The following SEMA6D variants were observed in gnomAD, a reference collection of about 807,000 sequenced individuals.
SEMA6D encodes semaphorin 6D.
SEMA6D carries 35 observed loss-of-function variants against 106.6 expected under a neutral mutation model. The observed-to-expected ratio is 0.33, with a 90% CI of 0.25 to 0.44. The LOEUF is 0.44. Ranked by LOEUF, SEMA6D falls within the 20% of genes least tolerant of loss-of-function variation. SEMA6D has a pLI of 1.00. For synonymous variants in SEMA6D, 499 were observed against 487.7 expected, an observed-to-expected ratio of 1.02 and a Z score of -0.31; for missense variants, 1,185 against 1,345.9, an observed-to-expected ratio of 0.88 and a Z score of 1.87.
At chr15:47,420,948 C>T (rs2041133012) in intron 2 of SEMA6D, among the ~76,000 whole-genome samples, 1 of 151,992 alleles carries the variant, frequency 6.6e-6, no homozygotes, top group South Asian at 2.1e-4. Context: ...ACCATCAGTA[C>T]CATTGGGGTT....
At chr15:47,283,911 A>G (rs1351336911) in intron 1 of SEMA6D, among the ~76,000 whole-genome samples, 2 of 152,310 alleles carry the variant, frequency 1.3e-5, no homozygotes, top group East Asian at 3.9e-4. Context: ...TTACTCGGAT[A>G]GGAAGTCCTG....
Position 47,497,461 on chromosome 15 carries a change from C to G in SEMA6D, c.-87+26916C>G, listed in dbSNP as rs571277666. 1.4e-4 allele frequency among the ~76,000 whole-genome samples: 22 copies of G among 152,178 alleles called. No individual in the cohort carries two copies. The Middle Eastern group carries it at 0.01, about 71-fold the overall frequency. ...ATTAAGTAATCATTTGCTTTGACTTCATCACATTAACACTGCTATTTAGTT... is the reference window on the plus strand; with the variant it reads ...ATTAAGTAATCATTTGCTTTGACTTGATCACATTAACACTGCTATTTAGTT... On this transcript the variant is annotated intron_variant, in intron 3 of 19. Transcript: ENST00000558014.
intron 1 of SEMA6D, among the ~76,000 whole-genome samples, chr15:47,264,876 A>G (rs896200246): frequency 6.6e-6 from 1 of 152,064 alleles, no homozygotes; most frequent in African/African-American, 2.4e-5. Context: ...ATAATCTTTA[A>G]AAAATTTTTC....
Position 47,311,040 on chromosome 15 carries a change from T to C in SEMA6D, c.-238-101353T>C, listed in dbSNP as rs2036429921. Reference sequence around the variant, plus strand: ...AACTAAGCCTGATATTACTTCAATTTGGAATTTCAATCAAAGCTCGATCAT... The same window carrying C: ...AACTAAGCCTGATATTACTTCAATTCGGAATTTCAATCAAAGCTCGATCAT... On this transcript the variant is annotated intron_variant, in intron 1 of 19. Coordinates refer to the SEMA6D transcript ENST00000558014. Among the ~76,000 whole-genome samples the C allele has an allele frequency of 2.6e-5, 4 of 152,202 alleles. 1 individual carries two copies. The South Asian group carries it at 8.3e-4, about 32-fold the overall frequency.
chr15:47,730,735 G>A (rs1057374179), intron 1 of SEMA6D: 13 of 1,602,460 alleles, frequency 8.1e-6, no homozygotes, highest in Non-Finnish European at 1.1e-5. Flanking sequence ...ATAGAGTATA[G>A]CTCTCTGCCG....
At chr15:47,752,951 G>A (rs1405763698) in intron 1 of SEMA6D, among the ~76,000 whole-genome samples, 1 of 151,988 alleles carries the variant, frequency 6.6e-6, no homozygotes, top group Non-Finnish European at 1.5e-5. Flanking sequence ...GGAGATTGCA[G>A]TGAGCCAAGG....
chr15:47,506,608 A>ACACACT (rs750799019), intron 3 of SEMA6D, among the ~76,000 whole-genome samples: 161 of 151,410 alleles, frequency 1.1e-3, no homozygotes, highest in African/African-American at 3.7e-3. Flanking sequence ...AAACACACAC[A>ACACACT]CACACACACA....
rs935027740 is a variant in SEMA6D at position 47,566,592 on chromosome 15, T to G, written c.-86-34273T>G. ...TCAAGAGCTTCTTAGATTATTTTGC[T>G]TTATGCTAAGTGGGAACTCCTTTGA... On this transcript the variant is annotated intron_variant, in intron 3 of 19. Coordinates refer to the SEMA6D transcript ENST00000558014. Among the ~76,000 whole-genome samples the G allele has an allele frequency of 2.6e-5, 4 of 152,228 alleles. No individual in the cohort carries two copies. The East Asian group carries it at 7.7e-4, about 29-fold the overall frequency.
intron 3 of SEMA6D, among the ~76,000 whole-genome samples, chr15:47,508,482 G>A (rs755962108): frequency 1.1e-4 from 17 of 152,152 alleles, no homozygotes; most frequent in Non-Finnish European, 2.1e-4. Context: ...CCTGTGTCCT[G>A]CCCACATATG....
intron 1 of SEMA6D, among the ~76,000 whole-genome samples, chr15:47,206,179 T>C (rs1895047112): frequency 6.6e-6 from 1 of 152,212 alleles, no homozygotes; most frequent in Non-Finnish European, 1.5e-5. Flanking sequence ...ATATCCAATA[T>C]GTATTAATGT....
At chr15:47,540,459 C>A (rs1468350009) in intron 3 of SEMA6D, among the ~76,000 whole-genome samples, 2 of 152,024 alleles carry the variant, frequency 1.3e-5, no homozygotes, top group African/African-American at 4.8e-5. Context: ...TGCATTTACT[C>A]ATTTATTCAG....
intron 4 of SEMA6D, among the ~76,000 whole-genome samples, chr15:47,673,325 G>C (rs1265447996): frequency 1.3e-5 from 2 of 152,158 alleles, no homozygotes; most frequent in East Asian, 3.9e-4. Context: ...GGCTGTGAAG[G>C]ATGAGAAAAT....
chr15:47,670,851 A>C (rs2145387815), intron 4 of SEMA6D, among the ~76,000 whole-genome samples: 1 of 152,326 alleles, frequency 6.6e-6, no homozygotes, highest in East Asian at 1.9e-4. Flanking sequence ...TTTTTGTTGC[A>C]AGAAATATTA....
chr15:47,295,956 A>G (rs897230), intron 1 of SEMA6D, among the ~76,000 whole-genome samples: 150,758 of 152,306 alleles, frequency 0.99, 74,623 homozygotes, highest in Middle Eastern at 1. Flanking sequence ...TGACTAGCCT[A>G]TTGCTCTTCT....
intron 3 of SEMA6D, among the ~76,000 whole-genome samples, chr15:47,577,684 G>A (rs1229577521): frequency 6.6e-6 from 1 of 152,112 alleles, no homozygotes; most frequent in Non-Finnish European, 1.5e-5. Context: ...CAGTGATTGA[G>A]GAATGATGGC....
intron 2 of SEMA6D, among the ~76,000 whole-genome samples, chr15:47,456,672 G>T (rs535598068): frequency 1.3e-5 from 2 of 152,098 alleles, no homozygotes; most frequent in Admixed American, 6.6e-5. Flanking sequence ...TTTAGGATAC[G>T]CAATAGGCAG....
intron 1 of SEMA6D, among the ~76,000 whole-genome samples, chr15:47,283,136 G>C (rs144645976): frequency 9.9e-5 from 15 of 152,186 alleles, no homozygotes; most frequent in African/African-American, 3.4e-4. Flanking sequence ...GAGACACAGT[G>C]GTGTCCCATA....
chr15:47,511,550 C>A (rs2044230235), intron 3 of SEMA6D, among the ~76,000 whole-genome samples: 1 of 152,160 alleles, frequency 6.6e-6, no homozygotes, highest in Non-Finnish European at 1.5e-5. Flanking sequence ...GCTCCTATAT[C>A]TTGACACTAT....
rs151225837 is a variant in SEMA6D at position 47,465,772 on chromosome 15, A to C, written c.-158-4702A>C. 2.4e-3 allele frequency among the ~76,000 whole-genome samples: 365 copies of C among 152,228 alleles called. 1 individual carries two copies. Among genetic ancestry groups the C allele is most frequent in the Non-Finnish European group, 4.5e-3 (309 of 68,018 alleles). Reference sequence around the variant, plus strand: ...AGGCCTCCCCAGCCATGCTTCCTGTATAGACTGCAGACCTGAGTCAGTTAA... The same window carrying C: ...AGGCCTCCCCAGCCATGCTTCCTGTCTAGACTGCAGACCTGAGTCAGTTAA... On this transcript the variant is annotated intron_variant, in intron 2 of 19. Coordinates refer to the SEMA6D transcript ENST00000558014.
Sources: gnomAD v4.1 joint callset for allele counts (sites outside exome capture counted in the v4.1 genomes callset) on GRCh38, gnomAD v4.1.1 for gene constraint, MANE v1.5 for transcripts, NCBI Gene and HGNC (gene_info 2026-07-23, HGNC 2026-07-21) for gene names.